Variants in DET1 observed in about 807,000 individuals in gnomAD.
The protein encoded by DET1 is DET1 partner of COP1 E3 ubiquitin ligase, also known as DET1 homolog.
DET1 carries 22 observed loss-of-function variants against 43.7 expected under a neutral mutation model. That is an observed-to-expected ratio of 0.50 (90% CI 0.36 to 0.72). The LOEUF (loss-of-function observed/expected upper bound fraction) is 0.72. Ranked by LOEUF, DET1 falls within the 30% of genes least tolerant of loss-of-function variation. The pLI, the probability that DET1 is intolerant of heterozygous loss-of-function variation, is 0.00. For synonymous variants in DET1, 315 were observed against 266.2 expected (o/e 1.18, Z -1.79); for missense variants, 713 against 713.3 (o/e 1.00, Z 0.00).
downstream of DET1, among the ~76,000 whole-genome samples, chr15:88,510,564 T>C (rs780866449): frequency 6.6e-6 from 1 of 152,170 alleles, no homozygotes; most frequent in Non-Finnish European, 1.5e-5. Context: ...GTATCTGACT[T>C]AATAATGGCT....
At chr15:88,521,864 C>G (rs745415899) in intron 3 of DET1, among the ~76,000 whole-genome samples, 4 of 151,418 alleles carry the variant, frequency 2.6e-5, no homozygotes, top group Non-Finnish European at 5.9e-5. Context: ...TGATATGCCT[C>G]TGTGTGTGGG....
intron 1 of DET1, among the ~76,000 whole-genome samples, chr15:88,542,821 G>A (rs1251048468): frequency 6.6e-6 from 1 of 151,904 alleles, no homozygotes; most frequent in Non-Finnish European, 1.5e-5. Flanking sequence ...AGGTGAACAG[G>A]CCTCTCTAGG....
chr15:88,542,959 G>A (rs941955283), intron 1 of DET1, among the ~76,000 whole-genome samples: 2 of 152,196 alleles, frequency 1.3e-5, no homozygotes, highest in African/African-American at 2.4e-5. Flanking sequence ...GAATGACAGG[G>A]CCGTGAGATA....
In DET1 at chr15:88,506,780, A is replaced by C. The variant is rs560213260; in HGVS notation, c.*2066-2793T>G. ...GGCTCCAAATGAAAGAGGTTTTGCT[A>C]TCCTTAAATGGAGCCCTTCTCTCAA... is the stretch of plus-strand genomic sequence containing the variant. On this transcript the variant is annotated intron_variant and NMD_transcript_variant, in intron 7 of 8. Coordinates refer to the DET1 transcript ENST00000557842. Among the ~76,000 whole-genome samples, 6 of 152,320 alleles carry C rather than the reference A, an allele frequency of 3.9e-5. No homozygotes were observed. The South Asian group carries it at 1.2e-3, about 32-fold the overall frequency.
In DET1 at chr15:88,531,891, TAA is replaced by T; in HGVS notation, c.-10-178_-10-177del. 1.6e-6 allele frequency: 1 copy of T among 634,058 alleles called. No homozygotes were observed. Among genetic ancestry groups the T allele is most frequent in the South Asian group, 2.1e-5 (1 of 46,564 alleles). The allele number at this position is 634,058 out of a possible 1,614,324, so 39.3% of individuals were successfully genotyped here. A position where few individuals can be genotyped will look rare whatever the true frequency, so the allele number is the denominator to read the frequency against. ...ACTGAGTAAGTGGTCCTAACATTTC[TAA>T]GTCTAGAAACAGGTCTAAGGGAAGG... On this transcript the variant is annotated intron_variant, in intron 1 of 4. Coordinates refer to ENST00000268148, the MANE Select transcript of DET1 (RefSeq NM_001144074.3). This position sits in a 1 kb window ranked among gnomAD's most constrained non-coding sequence, Gnocchi z 6.2.
At chr15:88,534,237 G>A (rs77735574) in intron 1 of DET1, among the ~76,000 whole-genome samples, 2,441 of 152,114 alleles carry the variant, frequency 0.016, 30 homozygotes, top group Non-Finnish European at 0.024. Context: ...AAAAGTCAAC[G>A]GCATTTAGTG....
intron 3 of DET1, among the ~76,000 whole-genome samples, chr15:88,522,398 C>T (rs1449512848): frequency 3.3e-5 from 5 of 151,536 alleles, no homozygotes; most frequent in Non-Finnish European, 7.4e-5. Flanking sequence ...TTAAATGTTT[C>T]TCTTCTAGGT....
chr15:88,502,493 A>G (rs6496487), intron 8 of DET1: 105,393 of 152,078 alleles, frequency 0.69, 36,768 homozygotes, highest in South Asian at 0.84. Context: ...GAAGCAGAAC[A>G]GGCTGGGCCA....
intron 7 of DET1, among the ~76,000 whole-genome samples, chr15:88,507,230 C>A (rs1222311505): frequency 6.6e-6 from 1 of 152,126 alleles, no homozygotes; most frequent in Non-Finnish European, 1.5e-5. Context: ...CATTATAAAT[C>A]CAGACCTGAC....
chr15:88,509,852 G>C (rs950155692), downstream of DET1, among the ~76,000 whole-genome samples: 1 of 152,194 alleles, frequency 6.6e-6, no homozygotes, highest in African/African-American at 2.4e-5. Context: ...CTAATGGAGA[G>C]TCTCCTCCAC....
At chr15:88,535,838 G>A (rs1299143397) in intron 1 of DET1, among the ~76,000 whole-genome samples, 3 of 151,810 alleles carry the variant, frequency 2.0e-5, no homozygotes, top group Non-Finnish European at 4.4e-5. Context: ...GAAAGGAAGG[G>A]AGAGAGGAAG....
chr15:88,510,244 G>C (rs549611313), downstream of DET1, among the ~76,000 whole-genome samples: 11 of 152,304 alleles, frequency 7.2e-5, no homozygotes, highest in Admixed American at 1.3e-4. Context: ...AAAGATCTAA[G>C]ATAGGATCAA....
At chr15:88,537,333 T>A (rs2056979401) in intron 1 of DET1, among the ~76,000 whole-genome samples, 1 of 152,198 alleles carries the variant, frequency 6.6e-6, no homozygotes, top group Non-Finnish European at 1.5e-5. Context: ...ACTACCGCCC[T>A]CAGCCCAAAT....
intron 1 of DET1, among the ~76,000 whole-genome samples, chr15:88,534,231 G>C (rs1438428481): frequency 6.6e-6 from 1 of 152,144 alleles, no homozygotes; most frequent in Non-Finnish European, 1.5e-5. Flanking sequence ...GGCCATAAAA[G>C]TCAACGGCAT....
At position 88,512,633 on chromosome 15, in the gene DET1, G is replaced by A. The variant is rs2056223772; in HGVS notation, c.*318C>T. ...AATGCCGAAGAAGTGACATGAAGGG[G>A]ATAAAAGTCTAATGCTTTCATCTTC... On this transcript the variant is annotated 3_prime_UTR_variant, in exon 5 of 5. Transcript: ENST00000268148. The A allele has an allele frequency of 9.2e-7, 1 of 1,087,076 alleles. No individual in the cohort carries two copies. Among genetic ancestry groups the A allele is most frequent in the South Asian group, 4.0e-5 (1 of 24,808 alleles). 67.3% of individuals were successfully genotyped at this position (1,087,076 alleles called of 1,614,324 possible).
intron 1 of DET1, among the ~76,000 whole-genome samples, chr15:88,538,088 G>C (rs1172950251): frequency 1.3e-5 from 2 of 152,182 alleles, no homozygotes; most frequent in Non-Finnish European, 2.9e-5. Flanking sequence ...TAGGCATTTG[G>C]TACTTTATGG....
chr15:88,530,203 GTTAC>G (rs1008269574), intron 2 of DET1, among the ~76,000 whole-genome samples: 1 of 152,170 alleles, frequency 6.6e-6, no homozygotes, highest in African/African-American at 2.4e-5. Context: ...TGAAAGTGGG[GTTAC>G]TTAGAGAATT....
At chr15:88,507,067 T>A (rs1338846381) in intron 7 of DET1, among the ~76,000 whole-genome samples, 1 of 152,200 alleles carries the variant, frequency 6.6e-6, no homozygotes, top group Non-Finnish European at 1.5e-5. Flanking sequence ...ATTGATAACT[T>A]AATATAAGCC....
Position 88,527,645 on chromosome 15 carries a change from G to A in DET1, c.1225C>T (p.Pro409Ser), listed in dbSNP as rs377259359. ...NATLHSEVQF[P>S]CSASSNNFAR... ...AAATTGTTGCTAGAAGCTGAGCAGG[G>A]AAACTGAACTTCACTGTGCAGGGTA... is the stretch of plus-strand genomic sequence containing the variant. The change falls in exon 3 of 5, where the codon CCC becomes TCC. Residue 409 changes from proline (P) to serine (S), a missense_variant. Transcript: ENST00000268148. 7 of 1,612,104 alleles carry A rather than the reference G, an allele frequency of 4.3e-6. No homozygotes were observed. The highest frequency in any genetic ancestry group is 5.9e-6 in the Non-Finnish European group (7 of 1,178,974).
Sources: allele counts gnomAD v4.1 joint callset (sites outside exome capture counted in the v4.1 genomes callset), GRCh38; gene constraint gnomAD v4.1.1; non-coding constraint Gnocchi (gnomAD v3.1); transcripts MANE v1.5; gene names NCBI Gene and HGNC (gene_info 2026-07-23, HGNC 2026-07-21).